The following ARAP1 variants were observed in gnomAD, a reference collection of about 807,000 sequenced individuals.
The protein encoded by ARAP1 is ArfGAP with RhoGAP domain, ankyrin repeat and PH domain 1, also known as arf-GAP with Rho-GAP domain, ANK repeat and PH domain-containing protein 1.
A neutral mutation model predicts 172.2 loss-of-function variants in ARAP1; 76 were observed. That is an observed-to-expected ratio of 0.44 (90% CI 0.37 to 0.53). ARAP1 has a LOEUF of 0.53. Among genes scored for constraint, ARAP1 ranks in the 20% least tolerant of loss-of-function variants. The pLI, the probability that ARAP1 is intolerant of heterozygous loss-of-function variation, is 0.00. For missense variants in ARAP1, 1,686 were observed against 1,977.5 expected (o/e 0.85, Z 2.80); for synonymous variants, 804 against 803.3 (o/e 1.00, Z -0.01).
chr11:72,722,493 T>A, intron 3 of ARAP1: 2 of 359,474 alleles, frequency 5.6e-6, no homozygotes, highest in Non-Finnish European at 7.8e-6. Flanking sequence ...AAGTCCTGAC[T>A]GACAAGCCCT....
rs911673007 is a variant in ARAP1, at chr11:72,697,124, G to T, written c.3025C>A (p.Arg1009=). 2 of 1,606,630 alleles carry T rather than the reference G, an allele frequency of 1.2e-6. No individual in the cohort carries two copies. The highest frequency in any genetic ancestry group is 1.7e-6 in the Non-Finnish European group (2 of 1,179,886). ...SKTQRLLESL[R]QDARSVHLKE... ...AGGTGCACAGAGCGCGCATCCTGCC[G>T]CAGGCTCTCCAGCAGCCGCTGTGTC... The change falls in exon 22 of 35, where the codon CGG becomes AGG. Residue 1009 remains arginine, a synonymous_variant. Coordinates refer to ENST00000393609, the MANE Select transcript of ARAP1 (RefSeq NM_001040118.3).
chr11:72,688,598 T>C, intron 30 of ARAP1, 61 bp from the exon 31 acceptor site: 1 of 1,435,032 alleles, frequency 7.0e-7, no homozygotes, highest in Non-Finnish European at 9.7e-7. Context: ...GGGGCCGCTC[T>C]CCCGACTGGG....
At chr11:72,728,121 G>C (rs534941931) in intron 2 of ARAP1, among the ~76,000 whole-genome samples, 271 of 152,232 alleles carry the variant, frequency 1.8e-3, no homozygotes, top group South Asian at 5.4e-3. Flanking sequence ...TCCTCACATT[G>C]CTCTGAAAGC....
intron 30 of ARAP1, chr11:72,688,761 T>A (rs1157852662): frequency 5.7e-6 from 3 of 524,404 alleles, no homozygotes; most frequent in Non-Finnish European, 6.9e-6. Flanking sequence ...TGCAGCAGTA[T>A]CAGACAGTCA....
chr11:72,722,710 C>A (rs1333428691), intron 3 of ARAP1, among the ~76,000 whole-genome samples: 2 of 152,200 alleles, frequency 1.3e-5, no homozygotes, highest in Admixed American at 1.3e-4. Flanking sequence ...TGGGCACACA[C>A]TCCTTCTTCC....
chr11:72,738,057 T>C (rs575839106), intron 1 of ARAP1, among the ~76,000 whole-genome samples: 1 of 152,316 alleles, frequency 6.6e-6, no homozygotes, highest in Admixed American at 6.5e-5. Flanking sequence ...TGACTGCTTC[T>C]GTCTGGTGAA....
rs986589897 is a variant in ARAP1 at position 72,693,110 on chromosome 11, G to A, written c.3954+215C>T. On this transcript the variant is annotated intron_variant, in intron 29 of 34. Coordinates refer to ENST00000393609, the MANE Select transcript of ARAP1 (RefSeq NM_001040118.3). The surrounding 1 kb of genome is among the most constrained non-coding windows in gnomAD (Gnocchi z 4.6). ...GGCATGGAGTGGTGTGATGGCATCCGGGTGCCAGGGCTTAGTGGGGCTACA... is the reference window on the plus strand; with the variant it reads ...GGCATGGAGTGGTGTGATGGCATCCAGGTGCCAGGGCTTAGTGGGGCTACA... 1.8e-5 allele frequency: 13 copies of A among 709,180 alleles called. No homozygotes were observed. The highest frequency in any genetic ancestry group is 3.6e-5 in the African/African-American group (2 of 55,856). The allele number at this position is 709,180 out of a possible 1,614,324, so 43.9% of individuals were successfully genotyped here. A position where few individuals can be genotyped will look rare whatever the true frequency, so the allele number is the denominator to read the frequency against.
chr11:72,712,786 C>G, intron 5 of ARAP1: 1 of 667,218 alleles, frequency 1.5e-6, no homozygotes, highest in Non-Finnish European at 2.5e-6. Context: ...ACCTAGGACA[C>G]AGACAAAAAC....
Position 72,697,354 on chromosome 11 carries a change from CACG to C in ARAP1, c.2919_2921del (p.Ile973_Val974delinsMet). The C allele has an allele frequency of 6.2e-7, 1 of 1,601,152 alleles. No homozygotes were observed. Among genetic ancestry groups the C allele is most frequent in the Non-Finnish European group, 8.5e-7 (1 of 1,174,246 alleles). The stretch of plus-strand genomic sequence containing the variant: ...GCGTGATGTAGTCCACACAGCGGTA[CACG>C]ATCACCGGGATATCCGAGTCCCCAA... On this transcript the variant is annotated inframe_deletion, in exon 21 of 35. Coordinates refer to ENST00000393609, the MANE Select transcript of ARAP1 (RefSeq NM_001040118.3).
chr11:72,723,088 G>C (rs920055197), intron 3 of ARAP1, among the ~76,000 whole-genome samples: 21 of 152,118 alleles, frequency 1.4e-4, no homozygotes, highest in African/African-American at 5.1e-4. Context: ...CAGGAGCATT[G>C]CTTGAGCCCA....
chr11:72,712,937 T>G, intron 5 of ARAP1: 2 of 598,902 alleles, frequency 3.3e-6, no homozygotes, highest in Non-Finnish European at 5.9e-6. Context: ...GGAGGCCACA[T>G]GCCCACCCAC....
At chr11:72,703,220 G>C in intron 14 of ARAP1, 141 bp from the exon 15 acceptor site, 2 of 874,480 alleles carry the variant, frequency 2.3e-6, no homozygotes, top group Admixed American at 6.4e-5. Context: ...GAGAGAATAG[G>C]AAGGAAGAAA....
intron 22 of ARAP1, 53 bp downstream of exon 22, chr11:72,696,927 GAGT>G (rs1266967265): frequency 1.5e-4 from 230 of 1,534,878 alleles, no homozygotes; most frequent in Non-Finnish European, 2.0e-4. Flanking sequence ...AAGGGCGCAG[GAGT>G]CCGGAGGGAT....
In ARAP1 at chr11:72,707,284, G is replaced by C. The variant is rs778573430; in HGVS notation, c.1614C>G (p.Ala538=). Residue 538 remains alanine, a synonymous_variant, in exon 12 of 35, where the codon GCC becomes GCG. Coordinates refer to ENST00000393609, the MANE Select transcript of ARAP1 (RefSeq NM_001040118.3). ...IAEALSTSEV[A]ERIWAAAPNR... ...TGGGGGCTGCAGCCCAGATGCGCTC[G>C]GCCACCTCCGAGGTAGACAGGGCCT... 3 of 1,613,588 alleles carry C rather than the reference G, an allele frequency of 1.9e-6. No homozygotes were observed. The highest frequency in any genetic ancestry group is 2.5e-6 in the Non-Finnish European group (3 of 1,179,854).
rs771207304 is a variant in ARAP1, at chr11:72,707,205, G to C, written c.1693C>G (p.Leu565Val). 1 of 1,601,014 alleles carries C rather than the reference G, an allele frequency of 6.2e-7. No individual in the cohort carries two copies. Among genetic ancestry groups the C allele is most frequent in the Non-Finnish European group, 8.5e-7 (1 of 1,173,748 alleles). ...APQPDWASIN[L>V]CVVICKRCAG... Reference sequence around the variant, plus strand: ...CAGCGCTTGCAGATAACAACACAGAGGTTGATGGAGGCCCAGTCAGGCTGA... The same window carrying C: ...CAGCGCTTGCAGATAACAACACAGACGTTGATGGAGGCCCAGTCAGGCTGA... The change falls in exon 12 of 35, where the codon CTC (leucine) becomes GTC (valine). Residue 565 changes from leucine (L) to valine (V), a missense_variant. Physicochemically the swap from Leu to Val is conservative, Grantham distance 32. Coordinates refer to ENST00000393609, the MANE Select transcript of ARAP1 (RefSeq NM_001040118.3).
In ARAP1 at chr11:72,712,675, C is replaced by A. The variant is rs772241535; in HGVS notation, c.748-107G>T. 23 of 1,567,878 alleles carry A rather than the reference C, an allele frequency of 1.5e-5. No homozygotes were observed. In the Admixed American group the frequency reaches 3.9e-4, roughly 27 times the overall value. On this transcript the variant is annotated intron_variant, in intron 5 of 34. Transcript: ENST00000393609. ...CCACACAGCCCCGACCCACACAGCC[C>A]AGCACTTTTAGTTCTGTTTCCTCAC...
Position 72,711,491 on chromosome 11 carries a change from A to G in ARAP1, c.1031T>C (p.Ile344Thr). 6.2e-7 allele frequency: 1 copy of G among 1,612,426 alleles called. No individual in the cohort carries two copies. Among genetic ancestry groups the G allele is most frequent in the Non-Finnish European group, 8.5e-7 (1 of 1,178,682 alleles). ...CAGTCTCACCCATCGTTTCTGATAG[A>G]TGTAAGATCTGGAGAGGGAGAGGGA... ...LDKNPPQGSYIYQKRWVRLDT... is the reference protein window; with the variant it reads ...LDKNPPQGSYTYQKRWVRLDT... Residue 344 changes from isoleucine to threonine, a missense_variant, in exon 8 of 35, where the codon ATC becomes ACC. Physicochemically the swap from Ile to Thr is moderately conservative, Grantham distance 89 (BLOSUM62 -1). Coordinates refer to ENST00000393609, the MANE Select transcript of ARAP1 (RefSeq NM_001040118.3).
chr11:72,696,782 G>A (rs941664586), intron 22 of ARAP1, 128 bp from the exon 23 acceptor site: 21 of 949,034 alleles, frequency 2.2e-5, no homozygotes, highest in African/African-American at 1.8e-4. Flanking sequence ...TGCAGGCCAG[G>A]CATTCAACCA....
At chr11:72,702,230 G>A (rs1451639612) in intron 15 of ARAP1, among the ~76,000 whole-genome samples, 1 of 152,178 alleles carries the variant, frequency 6.6e-6, no homozygotes, top group East Asian at 1.9e-4. Flanking sequence ...CTGTCCCCAA[G>A]CCCAAGCCAG....
Sources: allele counts gnomAD v4.1 joint callset (sites outside exome capture counted in the v4.1 genomes callset), GRCh38; gene constraint gnomAD v4.1.1; non-coding constraint Gnocchi (gnomAD v3.1); transcripts MANE v1.5; gene names NCBI Gene and HGNC (gene_info 2026-07-23, HGNC 2026-07-21).